Variants in ERBB4 observed in about 807,000 individuals in gnomAD.
ERBB4 encodes receptor tyrosine-protein kinase erbB-4.
In ERBB4, 42 loss-of-function variants were observed where a neutral mutation model predicts 158.0. The ratio of observed to expected loss-of-function variants is 0.27; its 90% CI spans 0.21 to 0.34. The LOEUF is 0.34. Among genes scored for constraint, ERBB4 ranks in the 10% least tolerant of loss-of-function variants. ERBB4 has a pLI of 1.00. For synonymous variants in ERBB4, 583 were observed against 558.7 expected, an observed-to-expected ratio of 1.04 and a Z score of -0.61; for missense variants, 1,333 against 1,624.1, an observed-to-expected ratio of 0.82 and a Z score of 3.08.
In ERBB4 at chr2:211,380,260, G is replaced by A. The variant is rs2062552671; in HGVS notation, c.*3355C>T. The A allele has an allele frequency of 1.7e-5, 4 of 232,232 alleles. No individual in the cohort carries two copies. The South Asian group carries it at 5.4e-4, about 32-fold the overall frequency. The allele number at this position is 232,232 out of a possible 1,614,324, so 14.4% of individuals were successfully genotyped here. Reference sequence around the variant, plus strand: ...TTGGTAGTCTAACACCTTTTGTGGTGCAGATGCTTTGTGGTTCTGGATCTA... The same window carrying A: ...TTGGTAGTCTAACACCTTTTGTGGTACAGATGCTTTGTGGTTCTGGATCTA... On this transcript the variant is annotated 3_prime_UTR_variant, in exon 28 of 28. Transcript: ENST00000342788.
intron 1 of ERBB4, among the ~76,000 whole-genome samples, chr2:212,271,750 G>A (rs1364622789): frequency 6.6e-6 from 1 of 151,662 alleles, no homozygotes; most frequent in African/African-American, 2.4e-5. Flanking sequence ...ATTTAGAGCT[G>A]GAATTCCTCC....
At chr2:211,521,569 A>T (rs1045403891) in intron 20 of ERBB4, among the ~76,000 whole-genome samples, 1 of 152,206 alleles carries the variant, frequency 6.6e-6, no homozygotes, top group Non-Finnish European at 1.5e-5. Flanking sequence ...AAGATAATTG[A>T]TGAAGGTGGC....
intron 20 of ERBB4, among the ~76,000 whole-genome samples, chr2:211,511,941 T>C (rs2065894555): frequency 6.6e-6 from 1 of 152,112 alleles, no homozygotes; most frequent in Non-Finnish European, 1.5e-5. Context: ...TAAATTCCCA[T>C]GCTTCTGAAA....
chr2:212,403,124 T>C (rs1436832835), intron 1 of ERBB4, among the ~76,000 whole-genome samples: 1 of 152,102 alleles, frequency 6.6e-6, no homozygotes, highest in Non-Finnish European at 1.5e-5. Context: ...GTGAACTTGG[T>C]TTTTATTACT....
chr2:211,923,083 G>A (rs1305873036), intron 3 of ERBB4, among the ~76,000 whole-genome samples: 1 of 152,096 alleles, frequency 6.6e-6, no homozygotes, highest in Non-Finnish European at 1.5e-5. Context: ...GGATTTTTGA[G>A]TCTGAGATTC....
intron 19 of ERBB4, among the ~76,000 whole-genome samples, chr2:211,603,606 C>T (rs1559340415): frequency 6.6e-6 from 1 of 152,198 alleles, no homozygotes; most frequent in Non-Finnish European, 1.5e-5. Context: ...CAGGTTGCCT[C>T]TCAAGTTCCT....
chr2:211,386,580 C>T (rs2062688664), intron 27 of ERBB4, among the ~76,000 whole-genome samples: 1 of 152,144 alleles, frequency 6.6e-6, no homozygotes, highest in African/African-American at 2.4e-5. Flanking sequence ...CTTCTCAAGA[C>T]TGATTGCTGT....
chr2:212,126,986 C>A (rs1310342262), intron 1 of ERBB4, among the ~76,000 whole-genome samples: 2 of 152,096 alleles, frequency 1.3e-5, no homozygotes, highest in East Asian at 3.9e-4. Flanking sequence ...AAAACAAAAT[C>A]CAAACTTTTA....
intron 1 of ERBB4, among the ~76,000 whole-genome samples, chr2:212,159,466 T>C (rs949213495): frequency 1.3e-5 from 2 of 152,024 alleles, no homozygotes; most frequent in Non-Finnish European, 2.9e-5. Flanking sequence ...TAGATTTACA[T>C]ATGTATTACT....
intron 20 of ERBB4, among the ~76,000 whole-genome samples, chr2:211,527,282 GT>G (rs1485015147): frequency 6.6e-6 from 1 of 152,058 alleles, no homozygotes; most frequent in Non-Finnish European, 1.5e-5. Context: ...CCAGGAGGGA[GT>G]GGCATGACAT....
At chr2:212,138,987 T>C (rs764616199) in intron 1 of ERBB4, among the ~76,000 whole-genome samples, 2 of 152,136 alleles carry the variant, frequency 1.3e-5, no homozygotes, top group African/African-American at 4.8e-5. Context: ...TATGGGTAAG[T>C]AAATGGGACT....
At chr2:212,242,990 C>G (rs1343120911) in intron 1 of ERBB4, among the ~76,000 whole-genome samples, 1 of 152,124 alleles carries the variant, frequency 6.6e-6, no homozygotes, top group Admixed American at 6.6e-5. Flanking sequence ...CCCTTTTCCC[C>G]ATTGCATGAA....
chr2:211,392,560 A>ACACACACACT (rs2062821029), intron 25 of ERBB4, among the ~76,000 whole-genome samples: 1 of 114,276 alleles, frequency 8.8e-6, no homozygotes, highest in African/African-American at 4.1e-5. Context: ...CTCTTACTCC[A>ACACACACACT]CACACACACA....
In ERBB4 at chr2:211,388,666, T is replaced by C. The variant is rs2062738895; in HGVS notation, c.3136-674A>G. 2.0e-5 allele frequency among the ~76,000 whole-genome samples: 3 copies of C among 151,998 alleles called. No individual in the cohort carries two copies. In the South Asian group the frequency reaches 6.2e-4, roughly 32 times the overall value. Reference sequence around the variant, plus strand: ...TAGATTCCCCTTATGGTATTTATAATGAGTCAAAATCAGATTTCAGTTAAA... The same window carrying C: ...TAGATTCCCCTTATGGTATTTATAACGAGTCAAAATCAGATTTCAGTTAAA... On this transcript the variant is annotated intron_variant, in intron 25 of 27. Transcript: ENST00000342788.
intron 16 of ERBB4, among the ~76,000 whole-genome samples, chr2:211,648,445 C>T (rs560811626): frequency 2.8e-4 from 43 of 151,730 alleles, no homozygotes; most frequent in African/African-American, 8.0e-4. Context: ...TTAGGAATTA[C>T]GTTAACTTTT....
intron 4 of ERBB4, among the ~76,000 whole-genome samples, chr2:211,766,089 G>T (rs1264416500): frequency 1.3e-5 from 2 of 151,680 alleles, no homozygotes; most frequent in Non-Finnish European, 2.9e-5. Context: ...CTTATATTTT[G>T]CCAAGAACTT....
At chr2:212,441,759 T>G (rs888934442) in intron 1 of ERBB4, among the ~76,000 whole-genome samples, 1 of 152,176 alleles carries the variant, frequency 6.6e-6, no homozygotes, top group Admixed American at 6.5e-5. Context: ...GGTGGCCCAC[T>G]GTGAGTGAGC....
At position 211,381,858 on chromosome 2, in the gene ERBB4, G is replaced by A. The variant is rs2062578371; in HGVS notation, c.*1757C>T. Reference sequence around the variant, plus strand: ...TTTTTTAAAAATCTAAATGACTTGGGGTAGAATTTTCAGAAAAGGGCGACT... The same window carrying A: ...TTTTTTAAAAATCTAAATGACTTGGAGTAGAATTTTCAGAAAAGGGCGACT... On this transcript the variant is annotated 3_prime_UTR_variant, in exon 28 of 28. Coordinates refer to ENST00000342788, the MANE Select transcript of ERBB4 (RefSeq NM_005235.3). 1.3e-5 allele frequency: 3 copies of A among 228,134 alleles called. No individual in the cohort carries two copies. The highest frequency in any genetic ancestry group is 1.1e-4 in the Admixed American group (2 of 17,606). The allele number at this position is 228,134 out of a possible 1,614,324, so 14.1% of individuals were successfully genotyped here. A position where few individuals can be genotyped will look rare whatever the true frequency, so the allele number is the denominator to read the frequency against.
intron 5 of ERBB4, among the ~76,000 whole-genome samples, chr2:211,732,846 G>T (rs563173964): frequency 6.6e-6 from 1 of 152,028 alleles, no homozygotes; most frequent in Non-Finnish European, 1.5e-5. Context: ...GCATGGTGGC[G>T]CGCACCTGTA....
Sources: gnomAD v4.1 joint callset for allele counts (sites outside exome capture counted in the v4.1 genomes callset) on GRCh38, gnomAD v4.1.1 for gene constraint, MANE v1.5 for transcripts, NCBI Gene and HGNC (gene_info 2026-07-23, HGNC 2026-07-21) for gene names.